Variants in ZNF804B observed in about 807,000 individuals in gnomAD.
ZNF804B encodes the protein zinc finger protein 804B.
In ZNF804B, 80 loss-of-function variants were observed where a neutral mutation model predicts 101.4. The observed-to-expected ratio is 0.79, with a 90% CI of 0.66 to 0.95. The LOEUF (loss-of-function observed/expected upper bound fraction) is 0.95. Among genes scored for constraint, ZNF804B ranks in the 40% least tolerant of loss-of-function variants. The pLI is 0.00. For synonymous variants in ZNF804B, 622 were observed against 558.8 expected (o/e 1.11, Z -1.59); for missense variants, 1,673 against 1,561.9 (o/e 1.07, Z -1.20).
chr7:88,777,718 T>A lies in ZNF804B; in HGVS notation c.108+17634T>A, dbSNP rs201029845. On this transcript the variant is annotated intron_variant, in intron 1 of 3. Coordinates refer to ENST00000333190, the MANE Select transcript of ZNF804B (RefSeq NM_181646.5). ...TAAAAATTAGCCAGGTGTGGTGGCATGTGTCTGTAATCCCAGCTACTCTGG... is the reference window on the plus strand; with the variant it reads ...TAAAAATTAGCCAGGTGTGGTGGCAAGTGTCTGTAATCCCAGCTACTCTGG... Among the ~76,000 whole-genome samples, 8 of 151,660 alleles carry A rather than the reference T, an allele frequency of 5.3e-5. No individual in the cohort carries two copies. In the East Asian group the frequency reaches 1.4e-3, roughly 26 times the overall value.
intron 2 of ZNF804B, among the ~76,000 whole-genome samples, chr7:89,229,161 A>G (rs894633292): frequency 1.3e-5 from 2 of 152,110 alleles, no homozygotes; most frequent in African/African-American, 4.8e-5. Flanking sequence ...TGGCCAGCCC[A>G]GGAAGGGGCT....
At chr7:89,015,711 C>T (rs905008452) in intron 1 of ZNF804B, among the ~76,000 whole-genome samples, 3 of 152,072 alleles carry the variant, frequency 2.0e-5, no homozygotes, top group Non-Finnish European at 4.4e-5. Flanking sequence ...GTATATGTGT[C>T]ACATTTTCTT....
intron 1 of ZNF804B, among the ~76,000 whole-genome samples, chr7:88,782,942 A>G (rs1343251726): frequency 1.3e-5 from 2 of 152,208 alleles, no homozygotes; most frequent in Non-Finnish European, 2.9e-5. Context: ...ATGTGAGATC[A>G]CTAAACATTT....
rs151116317 is a variant in ZNF804B, at chr7:89,046,094, G to A, written c.109-172061G>A. Among the ~76,000 whole-genome samples the A allele has an allele frequency of 6.9e-3, 1,052 of 151,974 alleles. 15 individuals carry two copies. Among genetic ancestry groups the A allele is most frequent in the African/African-American group, 0.024 (996 of 41,384 alleles). ...CCGTGATAAGTGAGTGAGTTCTCCC[G>A]AGATCTGATTTTACAAGGGGCTTTT... On this transcript the variant is annotated intron_variant, in intron 1 of 3. Transcript: ENST00000333190.
chr7:89,294,709 T>C (rs192134171), intron 2 of ZNF804B, among the ~76,000 whole-genome samples: 23 of 152,134 alleles, frequency 1.5e-4, no homozygotes, highest in African/African-American at 5.1e-4. Flanking sequence ...GATATTAAAA[T>C]TTTAGGGCCT....
At chr7:89,013,547 C>A (rs1788495909) in intron 1 of ZNF804B, among the ~76,000 whole-genome samples, 2 of 152,098 alleles carry the variant, frequency 1.3e-5, no homozygotes, top group South Asian at 4.2e-4. Flanking sequence ...TTATGGGGCA[C>A]ATAGTGATGT....
chr7:88,926,036 G>A (rs1266854613), intron 1 of ZNF804B, among the ~76,000 whole-genome samples: 1 of 152,052 alleles, frequency 6.6e-6, no homozygotes, highest in Non-Finnish European at 1.5e-5. Flanking sequence ...GGATTTTCTA[G>A]GTCAAAAATG....
Position 89,333,702 on chromosome 7 carries a change from G to A in ZNF804B, c.720G>A (p.Glu240=). The change falls in exon 4 of 4, where the codon GAG becomes GAA. Residue 240 remains glutamate (E), a synonymous_variant. Coordinates refer to ENST00000333190, the MANE Select transcript of ZNF804B (RefSeq NM_181646.5). ...KLESSASVFS[E]NTEETHDCNK... is the part of the protein sequence containing the mutation. ...AATCTTCAGCATCAGTTTTCAGTGA[G>A]AACACAGAAGAAACCCATGATTGTA... is the stretch of plus-strand genomic sequence containing the variant. The A allele has an allele frequency of 6.2e-7, 1 of 1,613,446 alleles. No homozygotes were observed. Among genetic ancestry groups the A allele is most frequent in the Non-Finnish European group, 8.5e-7 (1 of 1,179,708 alleles).
chr7:88,818,063 G>A lies in ZNF804B; in HGVS notation c.108+57979G>A, dbSNP rs1022000987. ...CTCAGGCACTGGAGCAGAGTGCTAGGGGACTATAGGTTTTTCAGTGACTGT... is the reference window on the plus strand; with the variant it reads ...CTCAGGCACTGGAGCAGAGTGCTAGAGGACTATAGGTTTTTCAGTGACTGT... On this transcript the variant is annotated intron_variant, in intron 1 of 3. Coordinates refer to ENST00000333190, the MANE Select transcript of ZNF804B (RefSeq NM_181646.5). 2.0e-4 allele frequency among the ~76,000 whole-genome samples: 30 copies of A among 152,114 alleles called. 1 individual carries two copies. The highest frequency in any genetic ancestry group is 2.9e-5 in the Non-Finnish European group (2 of 68,002).
chr7:89,009,588 C>A (rs947963474), intron 1 of ZNF804B, among the ~76,000 whole-genome samples: 1 of 152,106 alleles, frequency 6.6e-6, no homozygotes, highest in African/African-American at 2.4e-5. Context: ...GAAGGTGGGG[C>A]ATTTGAAAAG....
chr7:88,984,721 T>C (rs963525367), intron 1 of ZNF804B, among the ~76,000 whole-genome samples: 3 of 152,214 alleles, frequency 2.0e-5, no homozygotes, highest in Admixed American at 1.3e-4. Context: ...CTATGACACT[T>C]TCTATAACAA....
intron 1 of ZNF804B, among the ~76,000 whole-genome samples, chr7:88,838,702 T>A (rs954105708): frequency 4.6e-5 from 7 of 151,924 alleles, no homozygotes; most frequent in Admixed American, 1.3e-4. Context: ...AGGGCCATGG[T>A]CAAACCCTGT....
chr7:88,806,926 C>T (rs949903107), intron 1 of ZNF804B, among the ~76,000 whole-genome samples: 1 of 151,946 alleles, frequency 6.6e-6, no homozygotes, highest in Non-Finnish European at 1.5e-5. Context: ...GGTCATTCTC[C>T]AAGACCTATG....
chr7:89,067,114 G>A (rs1789465971), intron 1 of ZNF804B, among the ~76,000 whole-genome samples: 1 of 152,128 alleles, frequency 6.6e-6, no homozygotes, highest in Non-Finnish European at 1.5e-5. Flanking sequence ...AAGCTGATAA[G>A]CTACCGATCA....
At chr7:89,234,185 G>T (rs1219326735) in intron 2 of ZNF804B, among the ~76,000 whole-genome samples, 1 of 151,994 alleles carries the variant, frequency 6.6e-6, no homozygotes, top group Non-Finnish European at 1.5e-5. Context: ...AGGTATTAAA[G>T]ATATGGCAAT....
intron 1 of ZNF804B, among the ~76,000 whole-genome samples, chr7:88,793,115 G>A (rs994689615): frequency 4.6e-5 from 7 of 151,972 alleles, no homozygotes; most frequent in Admixed American, 1.3e-4. Context: ...AGTTGGTTTC[G>A]TAAGATGTTA....
chr7:89,220,054 C>T (rs1271207319), intron 2 of ZNF804B, among the ~76,000 whole-genome samples: 2 of 110,244 alleles, frequency 1.8e-5, no homozygotes, highest in African/African-American at 3.6e-5. Flanking sequence ...TGCATATATA[C>T]ATATATACGC....
At chr7:89,322,813 C>T (rs1314672316) in intron 2 of ZNF804B, among the ~76,000 whole-genome samples, 1 of 152,066 alleles carries the variant, frequency 6.6e-6, no homozygotes, top group Non-Finnish European at 1.5e-5. Flanking sequence ...AAAAATACTC[C>T]AGGAAAACAT....
At chr7:88,811,066 AC>A (rs1176759458) in intron 1 of ZNF804B, among the ~76,000 whole-genome samples, 5 of 152,042 alleles carry the variant, frequency 3.3e-5, no homozygotes, top group South Asian at 2.1e-4. Context: ...AAAAAAAAAA[AC>A]ATTAAAAAAC....
Sources: gnomAD v4.1 joint callset for allele counts (sites outside exome capture counted in the v4.1 genomes callset) on GRCh38, gnomAD v4.1.1 for gene constraint, MANE v1.5 for transcripts, NCBI Gene and HGNC (gene_info 2026-07-23, HGNC 2026-07-21) for gene names.